Variants in ANHX observed in about 807,000 individuals in gnomAD.
ANHX encodes anomalous homeobox, also known as anomalous homeobox protein.
A neutral mutation model predicts 38.9 loss-of-function variants in ANHX; 20 were observed. The ratio of observed to expected loss-of-function variants is 0.51; its 90% confidence interval spans 0.36 to 0.75. The LOEUF (loss-of-function observed/expected upper bound fraction) is 0.75. Ranked by LOEUF, ANHX falls within the 30% of genes least tolerant of loss-of-function variation. ANHX has a pLI of 0.00. For synonymous variants in ANHX, 185 were observed against 203.1 expected, an observed-to-expected ratio of 0.91 and a Z score of 0.76; for missense variants, 475 against 493.1, an observed-to-expected ratio of 0.96 and a Z score of 0.35.
intron 8 of ANHX, among the ~76,000 whole-genome samples, chr12:133,220,833 A>T (rs1957099630): frequency 1.3e-5 from 2 of 152,240 alleles, no homozygotes; most frequent in East Asian, 3.9e-4. Context: ...ACGCTGTTCA[A>T]GACCCCAAGT....
chr12:133,221,222 T>C lies in ANHX; in HGVS notation c.1263A>G (p.Glu421=). 1.3e-6 allele frequency: 2 copies of C among 1,536,010 alleles called. No homozygotes were observed. Among genetic ancestry groups the C allele is most frequent in the South Asian group, 1.2e-5 (1 of 84,050 alleles). The change falls in exon 8 of 10, where the codon GAA becomes GAG. Residue 421 remains glutamate (E), a synonymous_variant. Coordinates refer to ENST00000545940, the MANE Select transcript of ANHX (RefSeq NM_001372060.1). The surrounding 1 kb of genome is among the most constrained non-coding windows in gnomAD (Gnocchi z 4.1). ...LVTQPPLQAP[E]FILTQSPPEL... ...GGGCTTACCTCTGGGTGAGGATGAA[T>C]TCAGGAGCTTGCAGTGGGGGCTGTG...
At chr12:133,224,831 G>A (rs532643905) in intron 7 of ANHX, among the ~76,000 whole-genome samples, 85 of 151,304 alleles carry the variant, frequency 5.6e-4, no homozygotes, top group African/African-American at 2.0e-3. Context: ...GCCAGGCGTG[G>A]TGGCGGGCGC....
At chr12:133,226,586 G>T in intron 5 of ANHX, 148 bp from the exon 6 acceptor site, 1 of 1,234,092 alleles carries the variant, frequency 8.1e-7, no homozygotes, top group Non-Finnish European at 1.1e-6. Flanking sequence ...TCTTTGGTGT[G>T]AACCAACAAT....
rs186906261 is a variant in ANHX, at chr12:133,218,559, C to G, written c.*326G>C. The G allele has an allele frequency of 4.5e-4, 90 of 200,806 alleles. No homozygotes were observed. The highest frequency in any genetic ancestry group is 2.5e-4 in the Non-Finnish European group (25 of 100,192). 12.4% of individuals were successfully genotyped at this position (200,806 alleles called of 1,614,324 possible). Reference sequence around the variant, plus strand: ...GGGCAGACGGCAAGGCAGCCAGCAGCAGAACACTCCCCTCTCTAGAATGGC... The same window carrying G: ...GGGCAGACGGCAAGGCAGCCAGCAGGAGAACACTCCCCTCTCTAGAATGGC... On this transcript the variant is annotated 3_prime_UTR_variant, in exon 10 of 10. Coordinates refer to ENST00000545940, the MANE Select transcript of ANHX (RefSeq NM_001372060.1).
In ANHX at chr12:133,225,779, C is replaced by T. The variant is rs947456157; in HGVS notation, c.889G>A (p.Ala297Thr). 2.6e-4 allele frequency among the ~76,000 whole-genome samples: 40 copies of T among 152,060 alleles called. No individual in the cohort carries two copies. The highest frequency in any genetic ancestry group is 9.7e-4 in the African/African-American group (40 of 41,398). ...MYQEGPGHDP[A>T]TLPLFCPGPG... ...CCAGGGCAGAAGAGGGGGAGGGTGG[C>T]AGGATCATGGCCAGGCCCCTCCTGG... Residue 297 changes from alanine (A) to threonine (T), a missense_variant, in exon 7 of 10, where the codon GCC (alanine) becomes ACC (threonine). Coordinates refer to ENST00000545940, the MANE Select transcript of ANHX (RefSeq NM_001372060.1).
At chr12:133,224,854 C>G (rs1324042467) in intron 7 of ANHX, among the ~76,000 whole-genome samples, 4 of 150,244 alleles carry the variant, frequency 2.7e-5, no homozygotes, top group Non-Finnish European at 4.4e-5. Flanking sequence ...GTAGTCCCAG[C>G]TACTCGGGAG....
At position 133,219,210 on chromosome 12, in the gene ANHX, CCCT is replaced by C. The variant is rs1033355391; in HGVS notation, c.1365+70_1365+72del. On this transcript the variant is annotated intron_variant, in intron 9 of 9. Transcript: ENST00000545940. ...ATTCACTCCAGTGGCACTAGCTGAA[CCCT>C]CCTCAGCACCATGAGCTGCAGATCC... 1.3e-5 allele frequency: 18 copies of C among 1,350,150 alleles called. No homozygotes were observed. The African/African-American group carries it at 2.4e-4, about 18-fold the overall frequency. 83.6% of individuals were successfully genotyped at this position (1,350,150 alleles called of 1,614,324 possible). A position where few individuals can be genotyped will look rare whatever the true frequency, so the allele number is the denominator to read the frequency against.
chr12:133,228,468 T>G (rs150087224), intron 3 of ANHX, among the ~76,000 whole-genome samples: 1 of 152,164 alleles, frequency 6.6e-6, no homozygotes, highest in Non-Finnish European at 1.5e-5. Context: ...ATGAGTCCTC[T>G]GAGGCTTGCA....
intron 2 of ANHX, among the ~76,000 whole-genome samples, chr12:133,233,230 G>A (rs1957310722): frequency 3.3e-5 from 5 of 152,192 alleles, no homozygotes. Flanking sequence ...CCGGATCTGG[G>A]AGCCACTGCT....
chr12:133,235,797 C>CA lies in ANHX; in HGVS notation c.-23+9_-23+10insT, dbSNP rs1667363793. On this transcript the variant is annotated intron_variant, in intron 1 of 9. Coordinates refer to ENST00000545940, the MANE Select transcript of ANHX (RefSeq NM_001372060.1). ...ATCCTCCCGGACCCCCCTGCCCGCG[C>CA]GCCCCTCACCCTCCGGGACCCGCTT... The CA allele has an allele frequency of 6.7e-6, 1 of 149,906 alleles. No homozygotes were observed. Among genetic ancestry groups the CA allele is most frequent in the South Asian group, 2.1e-4 (1 of 4,724 alleles). The allele number at this position is 149,906 out of a possible 1,614,324, so 9.3% of individuals were successfully genotyped here.
rs1215864217 is a variant in ANHX at position 133,221,130 on chromosome 12, T to TCTATAAACTGGGCATTACC, written c.1280+56_1280+74dup. 9.0e-5 allele frequency: 135 copies of TCTATAAACTGGGCATTACC among 1,498,662 alleles called. No individual in the cohort carries two copies. The highest frequency in any genetic ancestry group is 6.3e-5 in the Admixed American group (3 of 47,912). 92.8% of individuals were successfully genotyped at this position (1,498,662 alleles called of 1,614,324 possible). A position where few individuals can be genotyped will look rare whatever the true frequency, so the allele number is the denominator to read the frequency against. On this transcript the variant is annotated intron_variant, in intron 8 of 9. Transcript: ENST00000545940. The surrounding 1 kb of genome is among the most constrained non-coding windows in gnomAD (Gnocchi z 4.1). ...TATCTGCACAGTCCGGGACGGTGAG[T>TCTATAAACTGGGCATTACC]CTATAAACTGGGCATTACCCTATCT...
At chr12:133,232,524 C>A (rs1008514143) in intron 2 of ANHX, among the ~76,000 whole-genome samples, 1 of 152,154 alleles carries the variant, frequency 6.6e-6, no homozygotes, top group African/African-American at 2.4e-5. Context: ...CTTCAGGGAA[C>A]CTGCATGGGA....
rs1274210543 is a variant in ANHX, at chr12:133,221,976, A to C, written c.1133-624T>G. 2.6e-5 allele frequency among the ~76,000 whole-genome samples: 4 copies of C among 152,150 alleles called. No individual in the cohort carries two copies. The highest frequency in any genetic ancestry group is 9.7e-5 in the African/African-American group (4 of 41,436). On this transcript the variant is annotated intron_variant, in intron 7 of 9. Coordinates refer to ENST00000545940, the MANE Select transcript of ANHX (RefSeq NM_001372060.1). This position sits in a 1 kb window ranked among gnomAD's most constrained non-coding sequence, Gnocchi z 4.1. Reference sequence around the variant, plus strand: ...CTACTAGGCTGTAAAACAAGCATTAAGATGGCCCTGATCTCAAGACATGGA... The same window carrying C: ...CTACTAGGCTGTAAAACAAGCATTACGATGGCCCTGATCTCAAGACATGGA...
At chr12:133,233,049 G>A (rs1957307743) in intron 2 of ANHX, among the ~76,000 whole-genome samples, 1 of 152,214 alleles carries the variant, frequency 6.6e-6, no homozygotes, top group Non-Finnish European at 1.5e-5. Context: ...GGGTAGGTAG[G>A]CACTGGCCAC....
chr12:133,219,548 C>G lies in ANHX; in HGVS notation c.1281-181G>C, dbSNP rs182352090. Among the ~76,000 whole-genome samples, 136 of 152,234 alleles carry G rather than the reference C, an allele frequency of 8.9e-4. 1 individual carries two copies. In the Middle Eastern group the frequency reaches 0.01, roughly 11 times the overall value. On this transcript the variant is annotated intron_variant, in intron 8 of 9. Transcript: ENST00000545940. ...GGTGTTAGGAGGGGAACATGTTACACAGAGAGCAGGGTCACCCGGTGGGTC... is the reference window on the plus strand; with the variant it reads ...GGTGTTAGGAGGGGAACATGTTACAGAGAGAGCAGGGTCACCCGGTGGGTC...
rs966149925 is a variant in ANHX, at chr12:133,234,357, C to T, written c.-1G>A. 2.0e-6 allele frequency: 3 copies of T among 1,534,594 alleles called. No individual in the cohort carries two copies. Among genetic ancestry groups the T allele is most frequent in the African/African-American group, 2.7e-5 (2 of 73,024 alleles). Reference sequence around the variant, plus strand: ...TCAGCAGAGTCAGGAAGCTCTGCATCCTGTGCTGGGTCGTGGCCACTCTGC... The same window carrying T: ...TCAGCAGAGTCAGGAAGCTCTGCATTCTGTGCTGGGTCGTGGCCACTCTGC... On this transcript the variant is annotated 5_prime_UTR_variant, in exon 2 of 10. Coordinates refer to ENST00000545940, the MANE Select transcript of ANHX (RefSeq NM_001372060.1).
intron 2 of ANHX, among the ~76,000 whole-genome samples, chr12:133,233,207 G>A (rs1957310304): frequency 6.6e-6 from 1 of 152,144 alleles, no homozygotes; most frequent in South Asian, 2.1e-4. Context: ...GAGGACAGCA[G>A]CAGGCTCAGG....
chr12:133,221,371 C>T lies in ANHX; in HGVS notation c.1133-19G>A. The T allele has an allele frequency of 6.5e-7, 1 of 1,528,948 alleles. No homozygotes were observed. Among genetic ancestry groups the T allele is most frequent in the Non-Finnish European group, 8.8e-7 (1 of 1,142,848 alleles). The allele number at this position is 1,528,948 out of a possible 1,614,324, so 94.7% of individuals were successfully genotyped here. A position where few individuals can be genotyped will look rare whatever the true frequency, so the allele number is the denominator to read the frequency against. On this transcript the variant is annotated intron_variant, in intron 7 of 9. Transcript: ENST00000545940. This position sits in a 1 kb window ranked among gnomAD's most constrained non-coding sequence, Gnocchi z 4.1. ...GAAAACCCTGCATGTAATGAGATTC[C>T]ACGGCACACTGGCAGGAGAAAGGAG...
chr12:133,220,597 G>C (rs1957095321), intron 8 of ANHX, among the ~76,000 whole-genome samples: 2 of 152,162 alleles, frequency 1.3e-5, no homozygotes, highest in Admixed American at 6.5e-5. Flanking sequence ...CCCACAACCT[G>C]GGGATCTGCT....
Sources: allele counts gnomAD v4.1 joint callset (sites outside exome capture counted in the v4.1 genomes callset), GRCh38; gene constraint gnomAD v4.1.1; non-coding constraint Gnocchi (gnomAD v3.1); transcripts MANE v1.5; gene names NCBI Gene and HGNC (gene_info 2026-07-23, HGNC 2026-07-21).